The following ZNF546 variants were observed in gnomAD, a reference collection of about 807,000 sequenced individuals.
ZNF546 encodes the protein zinc finger protein 546, also known as CTC-471F3.6.
ZNF546 carries 60 observed loss-of-function variants against 76.2 expected under a neutral mutation model. The ratio of observed to expected loss-of-function variants is 0.79; its 90% confidence interval spans 0.64 to 0.98. The LOEUF (loss-of-function observed/expected upper bound fraction) is 0.98. Ranked by LOEUF, ZNF546 falls within the 50% of genes least tolerant of loss-of-function variation. The pLI is 0.00. For missense variants in ZNF546, 936 were observed against 1,035.6 expected (o/e 0.90, Z 1.32); for synonymous variants, 277 against 328.1 (o/e 0.84, Z 1.68).
In ZNF546 at chr19:40,016,527, A is replaced by G. The variant is rs548232843; in HGVS notation, c.*746A>G. On this transcript the variant is annotated 3_prime_UTR_variant, in exon 7 of 7. Transcript: ENST00000347077. ...AGAGCAAGACTCTGTCTCTTAAATA[A>G]ATAAATAAATAGATTACCAGAAAAA... The G allele has an allele frequency of 1.3e-5, 2 of 152,188 alleles. No individual in the cohort carries two copies. Among genetic ancestry groups the G allele is most frequent in the Non-Finnish European group, 2.9e-5 (2 of 68,048 alleles). 9.4% of individuals were successfully genotyped at this position (152,188 alleles called of 1,614,324 possible). A position where few individuals can be genotyped will look rare whatever the true frequency, so the allele number is the denominator to read the frequency against.
chr19:40,002,629 G>A (rs906089012), intron 3 of ZNF546, among the ~76,000 whole-genome samples: 2 of 152,118 alleles, frequency 1.3e-5, no homozygotes, highest in Non-Finnish European at 1.5e-5. Flanking sequence ...ATGTTTTCCA[G>A]TGTGGTAGCT....
At position 40,016,535 on chromosome 19, in the gene ZNF546, A is replaced by G. The variant is rs1333520658; in HGVS notation, c.*754A>G. On this transcript the variant is annotated 3_prime_UTR_variant, in exon 7 of 7. Transcript: ENST00000347077. Reference sequence around the variant, plus strand: ...ACTCTGTCTCTTAAATAAATAAATAAATAGATTACCAGAAAAATGAAAAGA... The same window carrying G: ...ACTCTGTCTCTTAAATAAATAAATAGATAGATTACCAGAAAAATGAAAAGA... The G allele has an allele frequency of 3.3e-5, 5 of 152,138 alleles. No individual in the cohort carries two copies. Among genetic ancestry groups the G allele is most frequent in the African/African-American group, 1.2e-4 (5 of 41,416 alleles). 9.4% of individuals were successfully genotyped at this position (152,138 alleles called of 1,614,324 possible).
chr19:40,007,048 G>A (rs1971611640), intron 4 of ZNF546, among the ~76,000 whole-genome samples: 1 of 152,210 alleles, frequency 6.6e-6, no homozygotes, highest in South Asian at 2.1e-4. Context: ...GGCACATAAT[G>A]GGCAATGTGC....
In ZNF546 at chr19:40,015,222, A is replaced by G; in HGVS notation, c.1952A>G (p.His651Arg). The G allele has an allele frequency of 1.2e-6, 2 of 1,614,064 alleles. No homozygotes were observed. The highest frequency in any genetic ancestry group is 1.7e-6 in the Non-Finnish European group (2 of 1,180,004). Residue 651 changes from histidine to arginine, a missense_variant, in exon 7 of 7, where the codon CAT becomes CGT. Physicochemically the swap from His to Arg is conservative, Grantham distance 29 (BLOSUM62 0). Transcript: ENST00000347077. ...GGGAAGGCCTTTATTCGTAGCACTCATCTCACGCAACATCACAGAATTCAT... is the reference window on the plus strand; with the variant it reads ...GGGAAGGCCTTTATTCGTAGCACTCGTCTCACGCAACATCACAGAATTCAT... ...ECGKAFIRST[H>R]LTQHHRIHTG... is the part of the protein sequence containing the mutation.
Position 40,020,864 on chromosome 19 carries a change from C to T in ZNF546, c.*5083C>T, listed in dbSNP as rs1971846338. 6.6e-6 allele frequency: 1 copy of T among 152,116 alleles called. No individual in the cohort carries two copies. Among genetic ancestry groups the T allele is most frequent in the Non-Finnish European group, 1.5e-5 (1 of 67,986 alleles). 9.4% of individuals were successfully genotyped at this position (152,116 alleles called of 1,614,324 possible). A position where few individuals can be genotyped will look rare whatever the true frequency, so the allele number is the denominator to read the frequency against. On this transcript the variant is annotated 3_prime_UTR_variant, in exon 7 of 7. Transcript: ENST00000347077. ...ATATTGCTCTGCTGCTCACATATTC[C>T]TCTGCAATAAATTGCTGGCCCAGTT...
intron 3 of ZNF546, among the ~76,000 whole-genome samples, chr19:40,004,417 G>A (rs1971576578): frequency 6.6e-6 from 1 of 151,788 alleles, no homozygotes; most frequent in South Asian, 2.1e-4. Context: ...ACAGGCATGT[G>A]CCACCACACC....
chr19:40,017,028 A>G lies in ZNF546; in HGVS notation c.*1247A>G, dbSNP rs1196148223. The G allele has an allele frequency of 2.0e-5, 3 of 152,180 alleles. No homozygotes were observed. The highest frequency in any genetic ancestry group is 7.2e-5 in the African/African-American group (3 of 41,450). The allele number at this position is 152,180 out of a possible 1,614,324, so 9.4% of individuals were successfully genotyped here. ...GCTTTATTTTTTTCATTGGGGATAC[A>G]TTTAGTACATTCATGTGAGAGGAAG... is the stretch of plus-strand genomic sequence containing the variant. On this transcript the variant is annotated 3_prime_UTR_variant, in exon 7 of 7. Transcript: ENST00000347077.
chr19:39,998,770 G>A (rs1197289161), intron 3 of ZNF546, among the ~76,000 whole-genome samples: 3 of 151,930 alleles, frequency 2.0e-5, no homozygotes, highest in East Asian at 1.9e-4. Context: ...AGAATAATAC[G>A]CAATTTTTTT....
In ZNF546 at chr19:40,015,679, A is replaced by G. The variant is rs148002291; in HGVS notation, c.2409A>G (p.Lys803=). The G allele has an allele frequency of 8.6e-5, 139 of 1,614,048 alleles. No individual in the cohort carries two copies. The highest frequency in any genetic ancestry group is 1.1e-4 in the Non-Finnish European group (131 of 1,180,038). ...ATCACAGAATTCATACTGGTGAAAAACCCTATCAATGTAAAGAATGTGGAA... is the reference window on the plus strand; with the variant it reads ...ATCACAGAATTCATACTGGTGAAAAGCCCTATCAATGTAAAGAATGTGGAA... The part of the protein sequence containing the change: ...TRHHRIHTGE[K]PYQCKECGKA... The change falls in exon 7 of 7, where the codon AAA becomes AAG. Residue 803 remains lysine, a synonymous_variant. Transcript: ENST00000347077.
rs1306465406 is a variant in ZNF546 at position 40,013,845 on chromosome 19, G to A, written c.575G>A (p.Cys192Tyr). Residue 192 changes from cysteine to tyrosine, a missense_variant, in exon 7 of 7, where the codon TGC becomes TAC. By Grantham distance (194) the Cys-to-Tyr change is radical. Transcript: ENST00000347077. ...AGACAAGAGAGACATCAGATGGGAT[G>A]CGTTAGTCAAATGCTAATCCAAAAA... is the stretch of plus-strand genomic sequence containing the variant. ...FERQERHQMG[C>Y]VSQMLIQKQI... 1 of 1,610,226 alleles carries A rather than the reference G, an allele frequency of 6.2e-7. No individual in the cohort carries two copies. Among genetic ancestry groups the A allele is most frequent in the Middle Eastern group, 1.7e-4 (1 of 6,050 alleles).
chr19:40,004,138 ATATC>A (rs1971571962), intron 3 of ZNF546, among the ~76,000 whole-genome samples: 2 of 147,100 alleles, frequency 1.4e-5, no homozygotes, highest in African/African-American at 5.0e-5. Context: ...ATATATATAT[ATATC>A]AGCTGTTTTT....
chr19:39,998,388 C>T lies in ZNF546; in HGVS notation c.62C>T (p.Pro21Leu), dbSNP rs139751800. The T allele has an allele frequency of 6.5e-5, 105 of 1,614,038 alleles. No homozygotes were observed. In the African/African-American group the frequency reaches 1.4e-3, roughly 21 times the overall value. Residue 21 changes from proline to leucine, a missense_variant, in exon 3 of 7, where the codon CCT becomes CTT. By Grantham distance (98) the Pro-to-Leu change is moderately conservative (BLOSUM62 -3). Transcript: ENST00000347077. ...GACTTTCTCATTTTTCAAATCATTC[C>T]TCTGCACTCACTTTCTATAATGGTA... is the stretch of plus-strand genomic sequence containing the variant. ...PNDFLIFQII[P>L]LHSLSIMPRF...
At position 40,015,649 on chromosome 19, in the gene ZNF546, T is replaced by C. The variant is rs773425490; in HGVS notation, c.2379T>C (p.Thr793=). 6.2e-7 allele frequency: 1 copy of C among 1,613,690 alleles called. No homozygotes were observed. Among genetic ancestry groups the C allele is most frequent in the Non-Finnish European group, 8.5e-7 (1 of 1,179,884 alleles). Residue 793 remains threonine, a synonymous_variant, in exon 7 of 7, where the codon ACT becomes ACC. Transcript: ENST00000347077. Reference sequence around the variant, plus strand: ...CCTTCAGTGTTAATTCAGAACTTACTCGACATCACAGAATTCATACTGGTG... The same window carrying C: ...CCTTCAGTGTTAATTCAGAACTTACCCGACATCACAGAATTCATACTGGTG... The part of the protein sequence containing the change: ...GKAFSVNSEL[T]RHHRIHTGEK...
In ZNF546 at chr19:40,015,797, C is replaced by T; in HGVS notation, c.*16C>T. 3.7e-6 allele frequency: 6 copies of T among 1,609,084 alleles called. No homozygotes were observed. Among genetic ancestry groups the T allele is most frequent in the Non-Finnish European group, 4.2e-6 (5 of 1,176,504 alleles). On this transcript the variant is annotated 3_prime_UTR_variant, in exon 7 of 7. Coordinates refer to ENST00000347077, the MANE Select transcript of ZNF546 (RefSeq NM_178544.5). ...CATAATGTAAAGAGAATACGATGGC[C>T]TTTAGAAAATGCCCTTTAGCAGAGA...
At chr19:40,007,003 G>A (rs1429207782) in intron 4 of ZNF546, among the ~76,000 whole-genome samples, 1 of 152,202 alleles carries the variant, frequency 6.6e-6, no homozygotes, top group African/African-American at 2.4e-5. Flanking sequence ...AAGAGAGGAT[G>A]ATGGAACTTG....
At chr19:40,010,899 T>C (rs982288546) in intron 6 of ZNF546, among the ~76,000 whole-genome samples, 5 of 152,108 alleles carry the variant, frequency 3.3e-5, no homozygotes, top group Non-Finnish European at 7.3e-5. Flanking sequence ...GCCAGGCTGG[T>C]CTCGAACTCC....
intron 3 of ZNF546, among the ~76,000 whole-genome samples, chr19:40,005,699 A>G (rs978089636): frequency 2.6e-5 from 4 of 152,216 alleles, no homozygotes; most frequent in South Asian, 2.1e-4. Context: ...CAAAAAAAAA[A>G]AAAAGATAGT....
intron 6 of ZNF546, among the ~76,000 whole-genome samples, chr19:40,012,449 T>A (rs1231034386): frequency 6.6e-6 from 1 of 152,214 alleles, no homozygotes; most frequent in East Asian, 1.9e-4. Flanking sequence ...TTGGGGAAAT[T>A]AAGTTATTAT....
At position 40,015,661 on chromosome 19, in the gene ZNF546, A is replaced by T. The variant is rs987353359; in HGVS notation, c.2391A>T (p.Arg797Ser). ...ATTCAGAACTTACTCGACATCACAG[A>T]ATTCATACTGGTGAAAAACCCTATC... ...SVNSELTRHH[R>S]IHTGEKPYQC... Residue 797 changes from arginine to serine, a missense_variant, in exon 7 of 7, where the codon AGA (arginine) becomes AGT (serine). Coordinates refer to ENST00000347077, the MANE Select transcript of ZNF546 (RefSeq NM_178544.5). The T allele has an allele frequency of 1.2e-6, 2 of 1,614,100 alleles. No individual in the cohort carries two copies.
Sources: allele counts gnomAD v4.1 joint callset (sites outside exome capture counted in the v4.1 genomes callset), GRCh38; gene constraint gnomAD v4.1.1; transcripts MANE v1.5; gene names NCBI Gene and HGNC (gene_info 2026-07-23, HGNC 2026-07-21).